The following PRR16 variants were observed in gnomAD, a reference collection of about 807,000 sequenced individuals.
PRR16 encodes proline rich 16, also known as protein Largen.
A neutral mutation model predicts 18.2 loss-of-function variants in PRR16; 6 were observed. The observed-to-expected ratio is 0.33, with a 90% CI of 0.18 to 0.65. PRR16 has a LOEUF of 0.65. PRR16 is among the 30% of genes least tolerant of loss of function. The pLI is 0.74. For missense variants in PRR16, 412 were observed against 376.6 expected (o/e 1.09, Z -0.78); for synonymous variants, 151 against 147.8 (o/e 1.02, Z -0.16).
At chr5:120,489,792 G>A (rs1487886628) in intron 1 of PRR16, among the ~76,000 whole-genome samples, 26 of 152,024 alleles carry the variant, frequency 1.7e-4, no homozygotes, top group African/African-American at 4.6e-4. Flanking sequence ...GGCTGGTACC[G>A]GTTGTTCCTT....
chr5:120,598,927 A>G (rs1753897782), intron 1 of PRR16, among the ~76,000 whole-genome samples: 1 of 151,790 alleles, frequency 6.6e-6, no homozygotes, highest in South Asian at 2.1e-4. Context: ...TTTTTTGTTC[A>G]TCTTTTTAAT....
intron 1 of PRR16, among the ~76,000 whole-genome samples, chr5:120,637,315 C>T (rs1246020860): frequency 2.2e-4 from 4 of 18,180 alleles, no homozygotes; most frequent in South Asian, 2.2e-3. Context: ...AGCCATTATA[C>T]GGAAAAAAAA....
At chr5:120,578,145 GT>G (rs1753141261) in intron 1 of PRR16, among the ~76,000 whole-genome samples, 1 of 152,154 alleles carries the variant, frequency 6.6e-6, no homozygotes, top group Non-Finnish European at 1.5e-5. Context: ...TTTTAAAGCA[GT>G]TTTTCCCCAG....
the PRR16 span, among the ~76,000 whole-genome samples, chr5:120,707,024 A>C: frequency 2.6e-5 from 4 of 152,214 alleles, no homozygotes; most frequent in Non-Finnish European, 5.9e-5. Context: ...GATTGAGAAG[A>C]TCTTCCTAGG....
At chr5:120,603,626 T>C (rs1467604470) in intron 1 of PRR16, among the ~76,000 whole-genome samples, 1 of 151,986 alleles carries the variant, frequency 6.6e-6, no homozygotes, top group African/African-American at 2.4e-5. Flanking sequence ...CTCTTGTTTT[T>C]CTAGTTCCTC....
At chr5:120,635,746 A>C (rs1280149372) in intron 1 of PRR16, among the ~76,000 whole-genome samples, 1 of 152,140 alleles carries the variant, frequency 6.6e-6, no homozygotes, top group Admixed American at 6.6e-5. Context: ...TCTATTCAGC[A>C]TAGTACTGAA....
At chr5:120,699,483 G>T in the PRR16 span, among the ~76,000 whole-genome samples, 4 of 152,158 alleles carry the variant, frequency 2.6e-5, no homozygotes, top group South Asian at 2.1e-4. Context: ...TCAAGTCTGG[G>T]CCAGGAACAA....
the PRR16 span, among the ~76,000 whole-genome samples, chr5:120,791,231 G>A: frequency 1.3e-5 from 2 of 151,880 alleles, no homozygotes; most frequent in Admixed American, 1.3e-4. Context: ...TGGTTTATTG[G>A]CAAGCTTTTG....
chr5:120,705,255 T>A, the PRR16 span, among the ~76,000 whole-genome samples: 1,034 of 152,238 alleles, frequency 6.8e-3, 22 homozygotes, highest in African/African-American at 0.023. Context: ...CATTTATAGC[T>A]TTTATTCAGA....
chr5:120,752,708 G>C, the PRR16 span, among the ~76,000 whole-genome samples: 1 of 151,870 alleles, frequency 6.6e-6, no homozygotes, highest in African/African-American at 2.4e-5. Context: ...TTTAAAGAAT[G>C]ATATTTGGTT....
At chr5:120,757,139 C>T in the PRR16 span, among the ~76,000 whole-genome samples, 1 of 151,740 alleles carries the variant, frequency 6.6e-6, no homozygotes, top group Non-Finnish European at 1.5e-5. Context: ...GGGTTTGTGG[C>T]CTTATTTTTG....
intron 1 of PRR16, among the ~76,000 whole-genome samples, chr5:120,473,327 T>G (rs1749330478): frequency 6.6e-6 from 1 of 152,190 alleles, no homozygotes; most frequent in Non-Finnish European, 1.5e-5. Flanking sequence ...TTTTAAAGAA[T>G]AGGAGAATTT....
At chr5:120,533,584 A>G (rs989838577) in intron 1 of PRR16, among the ~76,000 whole-genome samples, 1 of 152,140 alleles carries the variant, frequency 6.6e-6, no homozygotes, top group South Asian at 2.1e-4. Flanking sequence ...CCATGTGACT[A>G]TCTTTGGGAA....
chr5:120,698,462 G>A, the PRR16 span, among the ~76,000 whole-genome samples: 7 of 149,862 alleles, frequency 4.7e-5, no homozygotes, highest in Non-Finnish European at 8.9e-5. Flanking sequence ...TAGAGTGGCG[G>A]TTTGGGGATA....
intron 1 of PRR16, among the ~76,000 whole-genome samples, chr5:120,683,721 C>T (rs1757039961): frequency 6.6e-6 from 1 of 151,862 alleles, no homozygotes; most frequent in African/African-American, 2.4e-5. Flanking sequence ...TGAAATCAAC[C>T]ACAGTGGAAT....
the PRR16 span, among the ~76,000 whole-genome samples, chr5:120,733,849 C>T: frequency 6.6e-6 from 1 of 151,954 alleles, no homozygotes; most frequent in Non-Finnish European, 1.5e-5. Context: ...AAAAAACAAA[C>T]AAAAAAGATT....
chr5:120,624,244 C>T (rs902459799), intron 1 of PRR16, among the ~76,000 whole-genome samples: 2 of 152,086 alleles, frequency 1.3e-5, no homozygotes, highest in Non-Finnish European at 2.9e-5. Flanking sequence ...CATCATTACA[C>T]TCATATAAAA....
intron 1 of PRR16, among the ~76,000 whole-genome samples, chr5:120,664,929 A>G (rs1269014776): frequency 6.6e-6 from 1 of 151,988 alleles, no homozygotes; most frequent in Non-Finnish European, 1.5e-5. Flanking sequence ...GTGTGCATGT[A>G]TCTTTATAGC....
chr5:120,481,235 C>T, intron 1 of PRR16: 2 of 534,472 alleles, frequency 3.7e-6, no homozygotes, highest in South Asian at 3.0e-5. Context: ...GCAACCTCTG[C>T]CTCCCAGGTT....
Sources: gnomAD v4.1 joint callset for allele counts (sites outside exome capture counted in the v4.1 genomes callset) on GRCh38, gnomAD v4.1.1 for gene constraint, MANE v1.5 for transcripts, NCBI Gene and HGNC (gene_info 2026-07-23, HGNC 2026-07-21) for gene names.